NOL4L: variants seen among roughly 807,000 people sequenced by gnomAD.
The protein encoded by NOL4L is nucleolar protein 4-like.
Under a neutral mutation model 64.5 loss-of-function variants are expected in NOL4L, and 7 were observed. The observed-to-expected ratio is 0.11, with a 90% CI of 0.06 to 0.20. The LOEUF (loss-of-function observed/expected upper bound fraction) is 0.20. Among genes scored for constraint, NOL4L ranks in the 10% least tolerant of loss-of-function variants. The pLI is 1.00. For synonymous variants in NOL4L, 413 were observed against 401.0 expected (o/e 1.03, Z -0.36); for missense variants, 680 against 967.1 (o/e 0.70, Z 3.94).
At chr20:32,469,729 G>A (rs1234084690) in intron 5 of NOL4L, among the ~76,000 whole-genome samples, 1 of 152,224 alleles carries the variant, frequency 6.6e-6, no homozygotes. Flanking sequence ...AGAAATAAGG[G>A]ACATTTCTAC....
intron 3 of NOL4L, among the ~76,000 whole-genome samples, chr20:32,516,308 G>C (rs944404742): frequency 6.6e-6 from 1 of 152,092 alleles, no homozygotes. Context: ...TCTCCTTCCT[G>C]GGGAAGTAAA....
intron 1 of NOL4L, among the ~76,000 whole-genome samples, chr20:32,564,616 C>T (rs1024499877): frequency 2.0e-4 from 31 of 152,220 alleles, no homozygotes; most frequent in African/African-American, 6.5e-4. Context: ...AGCTCTGCCT[C>T]GTATGTCCTG....
At chr20:32,462,182 T>C (rs559136413) in intron 5 of NOL4L, among the ~76,000 whole-genome samples, 27 of 152,236 alleles carry the variant, frequency 1.8e-4, no homozygotes, top group African/African-American at 6.5e-4. Context: ...GCACAGATGA[T>C]CCCCTGAAAT....
intron 1 of NOL4L, among the ~76,000 whole-genome samples, chr20:32,540,736 G>C (rs2018639332): frequency 6.6e-6 from 1 of 152,106 alleles, no homozygotes; most frequent in South Asian, 2.1e-4. Flanking sequence ...AGGAGTGAAT[G>C]TGTGGAAAGC....
intron 1 of NOL4L, among the ~76,000 whole-genome samples, chr20:32,549,690 T>C (rs563826418): frequency 5.9e-5 from 9 of 152,248 alleles, no homozygotes; most frequent in African/African-American, 9.6e-5. Context: ...GAGGCAGAGA[T>C]TGCAGTGAGC....
intron 1 of NOL4L, among the ~76,000 whole-genome samples, chr20:32,566,168 T>C (rs933154604): frequency 6.6e-6 from 1 of 152,238 alleles, no homozygotes; most frequent in African/African-American, 2.4e-5. Context: ...CTCGGTTCTA[T>C]GGGCTGCAAA....
chr20:32,567,632 C>T (rs544684950), intron 1 of NOL4L, among the ~76,000 whole-genome samples: 9 of 152,328 alleles, frequency 5.9e-5, no homozygotes, highest in African/African-American at 2.2e-4. Context: ...GCTGGTCAGC[C>T]GCCTGCCTGA....
chr20:32,464,774 G>A lies in NOL4L; in HGVS notation c.842-8379C>T, dbSNP rs1469240655. 1.6e-5 allele frequency: 6 copies of A among 385,130 alleles called. No individual in the cohort carries two copies. The highest frequency in any genetic ancestry group is 4.5e-5 in the Admixed American group (1 of 22,308). 23.9% of individuals were successfully genotyped at this position (385,130 alleles called of 1,614,324 possible). A position where few individuals can be genotyped will look rare whatever the true frequency, so the allele number is the denominator to read the frequency against. On this transcript the variant is annotated intron_variant, in intron 5 of 10. Coordinates refer to ENST00000621426, the MANE Select transcript of NOL4L (RefSeq NM_001256798.2). This position sits in a 1 kb window ranked among gnomAD's most constrained non-coding sequence, Gnocchi z 5.6. ...ATTTTAAAAAGTAATAAAGAAACAG[G>A]TGAAATCAATTTTAATAATCTACTT...
intron 1 of NOL4L, among the ~76,000 whole-genome samples, chr20:32,538,996 C>T (rs1339098965): frequency 1.5e-5 from 2 of 135,684 alleles, no homozygotes; most frequent in African/African-American, 5.7e-5. Flanking sequence ...GCAGAAGGAC[C>T]AGAGCCCAGT....
chr20:32,478,023 G>A (rs1211871303), intron 4 of NOL4L, among the ~76,000 whole-genome samples: 2 of 152,220 alleles, frequency 1.3e-5, no homozygotes, highest in East Asian at 3.9e-4. Flanking sequence ...CCCCTGCGAG[G>A]CCCGCCCCGC....
At chr20:32,451,033 C>A (rs1207415203) in intron 10 of NOL4L, among the ~76,000 whole-genome samples, 2 of 152,128 alleles carry the variant, frequency 1.3e-5, no homozygotes, top group Non-Finnish European at 2.9e-5. Context: ...GGCTTCCTGC[C>A]ATGGGTGGGG....
chr20:32,573,685 A>C, intron 1 of NOL4L: 1 of 199,320 alleles, frequency 5.0e-6, no homozygotes, highest in Non-Finnish European at 1.1e-5. Flanking sequence ...ACTGCACAGC[A>C]GTAAGCGGCA....
In NOL4L at chr20:32,527,794, G is replaced by A. The variant is rs760604867; in HGVS notation, c.441C>T (p.Ala147=). The change falls in exon 2 of 11, where the codon GCC becomes GCT. Residue 147 remains alanine, a synonymous_variant. Coordinates refer to ENST00000621426, the MANE Select transcript of NOL4L (RefSeq NM_001256798.2). ...TTTTCTTCTGCCCAGCGTGCTTGGG[G>A]GCTTTGCCTGGCTCCGCTGAGCTCT... ...HVESSAEPGK[A]PKHAGQKKTY... 1.8e-5 allele frequency: 28 copies of A among 1,550,302 alleles called. No individual in the cohort carries two copies. The highest frequency in any genetic ancestry group is 2.2e-5 in the Non-Finnish European group (25 of 1,146,798).
chr20:32,467,342 T>G, intron 5 of NOL4L, among the ~76,000 whole-genome samples: 1 of 148,246 alleles, frequency 6.7e-6, no homozygotes, highest in African/African-American at 2.5e-5. Context: ...GCCTGGCACA[T>G]GTGGGTGGGG....
chr20:32,476,216 C>CACAA (rs2015387295), intron 4 of NOL4L, among the ~76,000 whole-genome samples: 3 of 151,748 alleles, frequency 2.0e-5, no homozygotes, highest in Middle Eastern at 3.4e-3. Flanking sequence ...CACACACACA[C>CACAA]ACACACACAC....
At chr20:32,484,846 A>G (rs1040594058) in intron 4 of NOL4L, among the ~76,000 whole-genome samples, 2 of 151,064 alleles carry the variant, frequency 1.3e-5, no homozygotes, top group African/African-American at 4.9e-5. Context: ...GGAGCCCTGG[A>G]CCTCCGAGCA....
At chr20:32,531,376 TTTTC>T (rs2018341600) in intron 1 of NOL4L, among the ~76,000 whole-genome samples, 1 of 151,966 alleles carries the variant, frequency 6.6e-6, no homozygotes, top group South Asian at 2.1e-4. Context: ...CCTTTTTTTT[TTTTC>T]TTTTTTTTGA....
intron 3 of NOL4L, among the ~76,000 whole-genome samples, chr20:32,517,958 CTTACCTGTAAG>C (rs1282249560): frequency 6.6e-6 from 1 of 152,182 alleles, no homozygotes; most frequent in Non-Finnish European, 1.5e-5. Flanking sequence ...CCTCAGTTTC[CTTACCTGTAAG>C]CCAGGACTAA....
At chr20:32,536,222 G>A in intron 1 of NOL4L, 1 of 985,486 alleles carries the variant, frequency 1.0e-6, no homozygotes, top group Non-Finnish European at 1.2e-6. Context: ...CCTAGGACAG[G>A]GAATCGGGAG....
Sources: allele counts gnomAD v4.1 joint callset (sites outside exome capture counted in the v4.1 genomes callset), GRCh38; gene constraint gnomAD v4.1.1; non-coding constraint Gnocchi (gnomAD v3.1); transcripts MANE v1.5; gene names NCBI Gene and HGNC (gene_info 2026-07-23, HGNC 2026-07-21).